CYP2S1: variants seen among roughly 807,000 people sequenced by gnomAD.
CYP2S1 encodes cytochrome P450 2S1.
A neutral mutation model predicts 43.5 loss-of-function variants in CYP2S1; 32 were observed. The observed-to-expected ratio is 0.74, with a 90% CI of 0.56 to 0.99. The LOEUF (loss-of-function observed/expected upper bound fraction) is 0.99, where lower values mean the gene tolerates loss of function less well. Among genes scored for constraint, CYP2S1 ranks in the 50% least tolerant of loss-of-function variants. The probability of loss-of-function intolerance (pLI) is 0.00; values close to 1 mark genes in which losing one functional copy is unlikely to be tolerated. For missense variants in CYP2S1, 575 were observed against 673.9 expected, an observed-to-expected ratio of 0.85 and a Z score of 1.62; for synonymous variants, 283 against 302.9, an observed-to-expected ratio of 0.93 and a Z score of 0.68.
Position 41,207,360 on chromosome 19 carries a change from C to T in CYP2S1, c.*872C>T, listed in dbSNP as rs1020692106. ...CTGCCCCTCCACACACACATACACA[C>T]TCACTGATCTACAGCCCCTGTTCGG... On this transcript the variant is annotated 3_prime_UTR_variant, in exon 9 of 9. Transcript: ENST00000310054. 5.9e-6 allele frequency: 1 copy of T among 170,258 alleles called. No individual in the cohort carries two copies. Among genetic ancestry groups the T allele is most frequent in the African/African-American group, 2.4e-5 (1 of 41,828 alleles). The allele number at this position is 170,258 out of a possible 1,614,324, so 10.5% of individuals were successfully genotyped here.
chr19:41,203,731 C>A lies in CYP2S1; in HGVS notation c.1164+94C>A, dbSNP rs2033524509. Reference sequence around the variant, plus strand: ...AGTGTCTCCCTGACTTTTTCTTGATCTTAGTGTCTCTCTCTCTCTCTCTCT... The same window carrying A: ...AGTGTCTCCCTGACTTTTTCTTGATATTAGTGTCTCTCTCTCTCTCTCTCT... On this transcript the variant is annotated intron_variant, in intron 7 of 8. Transcript: ENST00000310054. The A allele has an allele frequency of 2.4e-6, 3 of 1,270,502 alleles. No homozygotes were observed. The Admixed American group carries it at 9.2e-5, about 39-fold the overall frequency. The allele number at this position is 1,270,502 out of a possible 1,614,324, so 78.7% of individuals were successfully genotyped here. A position where few individuals can be genotyped will look rare whatever the true frequency, so the allele number is the denominator to read the frequency against.
In CYP2S1 at chr19:41,205,975, C is replaced by T. The variant is rs2033570826; in HGVS notation, c.1182C>T (p.Pro394=). ...YTLPQGTEVF[P]LLGSILHDPN... is the part of the protein sequence containing the mutation. ...CCCCTCAGGGCACGGAGGTCTTCCC[C>T]CTCCTTGGCTCCATCCTGCATGACC... is the stretch of plus-strand genomic sequence containing the variant. Residue 394 remains proline, a synonymous_variant, in exon 8 of 9, where the codon CCC becomes CCT. Coordinates refer to ENST00000310054, the MANE Select transcript of CYP2S1 (RefSeq NM_030622.8). 1 of 1,613,846 alleles carries T rather than the reference C, an allele frequency of 6.2e-7. No individual in the cohort carries two copies. Among genetic ancestry groups the T allele is most frequent in the Non-Finnish European group, 8.5e-7 (1 of 1,179,962 alleles).
Position 41,198,378 on chromosome 19 carries a change from C to T in CYP2S1, c.494-84C>T. The stretch of plus-strand genomic sequence containing the variant: ...CATCCATCTTTCCCTGCCTCCCTGT[C>T]TCTCTCTGGTTGGGTTCAGCTCCAA... On this transcript the variant is annotated intron_variant, in intron 3 of 8. Coordinates refer to ENST00000310054, the MANE Select transcript of CYP2S1 (RefSeq NM_030622.8). This position sits in a 1 kb window ranked among gnomAD's most constrained non-coding sequence, Gnocchi z 4.9. The T allele has an allele frequency of 6.5e-7, 1 of 1,545,070 alleles. No individual in the cohort carries two copies. Among genetic ancestry groups the T allele is most frequent in the Non-Finnish European group, 8.8e-7 (1 of 1,139,046 alleles).
At chr19:41,193,552 G>T in intron 1 of CYP2S1, 111 bp downstream of exon 1, 1 of 1,364,632 alleles carries the variant, frequency 7.3e-7, no homozygotes, top group Non-Finnish European at 9.4e-7. Context: ...GCAGGGGCAG[G>T]GGTCCCAAGG....
At chr19:41,204,484 C>T (rs1000807602) in intron 7 of CYP2S1, among the ~76,000 whole-genome samples, 1 of 152,226 alleles carries the variant, frequency 6.6e-6, no homozygotes, top group Non-Finnish European at 1.5e-5. Context: ...CCCCAGAAAC[C>T]CCAGCAGTTT....
chr19:41,206,647 C>T lies in CYP2S1; in HGVS notation c.*159C>T, dbSNP rs1250118711. ...GTCTGTCCCACGGCCCACACGCTCA[C>T]TTGACTCATGCTGCTAAGATGCACA... is the stretch of plus-strand genomic sequence containing the variant. On this transcript the variant is annotated 3_prime_UTR_variant, in exon 9 of 9. Transcript: ENST00000310054. 1 of 922,150 alleles carries T rather than the reference C, an allele frequency of 1.1e-6. No individual in the cohort carries two copies. The highest frequency in any genetic ancestry group is 1.3e-5 in the South Asian group (1 of 76,808). 57.1% of individuals were successfully genotyped at this position (922,150 alleles called of 1,614,324 possible).
rs1277394471 is a variant in CYP2S1, at chr19:41,206,348, CA to C, written c.1377del (p.Ala460ProfsTer13). 6.2e-7 allele frequency: 1 copy of C among 1,614,072 alleles called. No homozygotes were observed. The highest frequency in any genetic ancestry group is 1.3e-5 in the African/African-American group (1 of 74,912). On this transcript the variant is annotated frameshift_variant, in exon 9 of 9. Transcript: ENST00000310054. LOFTEE classifies it low-confidence loss of function (END_TRUNC). The part of the protein sequence containing the change: ...ELFLFFTTIL[Q>X]AFSLESPCPP... ...CTTCCTCTTCTTCACCACCATCCTA[CA>C]AGCCTTCTCCCTGGAGAGCCCGTGC...
rs1421512182 is a variant in CYP2S1, at chr19:41,207,445, CA to C, written c.*959del. On this transcript the variant is annotated 3_prime_UTR_variant, in exon 9 of 9. Transcript: ENST00000310054. Reference sequence around the variant, plus strand: ...TAGAGACCAAGTAGGGGCCAGTTTCCAATTCACCCTGTCAGGGAGTGAGCCG... The same window carrying C: ...TAGAGACCAAGTAGGGGCCAGTTTCCATTCACCCTGTCAGGGAGTGAGCCG... 2.6e-5 allele frequency: 4 copies of C among 154,998 alleles called. No homozygotes were observed. Among genetic ancestry groups the C allele is most frequent in the Non-Finnish European group, 5.7e-5 (4 of 69,670 alleles). 9.6% of individuals were successfully genotyped at this position (154,998 alleles called of 1,614,324 possible). A position where few individuals can be genotyped will look rare whatever the true frequency, so the allele number is the denominator to read the frequency against.
At chr19:41,203,222 T>A (rs909855622) in intron 6 of CYP2S1, among the ~76,000 whole-genome samples, 27 of 140,298 alleles carry the variant, frequency 1.9e-4, no homozygotes, top group Admixed American at 4.9e-4. Flanking sequence ...CAAAAAAAAA[T>A]AATAATAATA....
chr19:41,205,382 C>CTTTCTTTCTTTCTTTCTTTCTT (rs781159687), intron 7 of CYP2S1, among the ~76,000 whole-genome samples: 27 of 72,234 alleles, frequency 3.7e-4, no homozygotes, highest in African/African-American at 1.9e-3. Flanking sequence ...TTCTTTCTTT[C>CTTTCTTTCTTTCTTTCTTTCTT]TCTCTCTCTC....
chr19:41,201,835 G>A (rs142796719), intron 6 of CYP2S1, among the ~76,000 whole-genome samples: 1 of 152,172 alleles, frequency 6.6e-6, no homozygotes, highest in Non-Finnish European at 1.5e-5. Context: ...AGGAGTTGCT[G>A]ATTGCAGTAT....
chr19:41,197,940 G>A lies in CYP2S1; in HGVS notation c.493+12G>A, dbSNP rs1022876220. 5.0e-6 allele frequency: 8 copies of A among 1,605,822 alleles called. No homozygotes were observed. The highest frequency in any genetic ancestry group is 2.7e-5 in the African/African-American group (2 of 74,960). On this transcript the variant is annotated intron_variant, in intron 3 of 8. Coordinates refer to ENST00000310054, the MANE Select transcript of CYP2S1 (RefSeq NM_030622.8). The stretch of plus-strand genomic sequence containing the variant: ...CCAGGGGACAGAAGGTCAGCATGGC[G>A]GGGTCACCCCAGGGTCTCCAGCCGA...
chr19:41,194,141 A>T (rs1204329597), intron 1 of CYP2S1, among the ~76,000 whole-genome samples: 1 of 150,914 alleles, frequency 6.6e-6, no homozygotes, highest in Non-Finnish European at 1.5e-5. Context: ...CTTGGGGGAG[A>T]GATGGGGCGG....
chr19:41,201,082 A>C (rs1055023146), intron 5 of CYP2S1, 149 bp from the exon 6 acceptor site: 37 of 1,050,408 alleles, frequency 3.5e-5, no homozygotes, highest in Admixed American at 5.9e-5. Context: ...GTCTCAAAAA[A>C]AAAAAGTCTA....
In CYP2S1 at chr19:41,206,520, G is replaced by A; in HGVS notation, c.*32G>A. 1 of 1,613,046 alleles carries A rather than the reference G, an allele frequency of 6.2e-7. No individual in the cohort carries two copies. Among genetic ancestry groups the A allele is most frequent in the South Asian group, 1.1e-5 (1 of 91,050 alleles). On this transcript the variant is annotated 3_prime_UTR_variant, in exon 9 of 9. Transcript: ENST00000310054. ...GCAACTTGGAAGTGGTGGGTGCCCA[G>A]GACGGTGCCTCCAGCCTCAACAGTG...
At chr19:41,205,358 CTTTCTTTCTTTCTTTCTT>C (rs879939129) in intron 7 of CYP2S1, among the ~76,000 whole-genome samples, 9,793 of 99,422 alleles carry the variant, frequency 0.098, 379 homozygotes, top group African/African-American at 0.14. Flanking sequence ...TTCTTTCTTT[CTTTCTTTCTTTCTTTCTT>C]TCTTTCTCTC....
chr19:41,202,385 G>C (rs374874366), intron 6 of CYP2S1, among the ~76,000 whole-genome samples: 147 of 152,296 alleles, frequency 9.7e-4, no homozygotes, highest in African/African-American at 3.5e-3. Flanking sequence ...TGCAGGAGTG[G>C]AATTAGCTGT....
At chr19:41,200,517 T>C (rs1023132815) in intron 5 of CYP2S1, among the ~76,000 whole-genome samples, 1 of 151,904 alleles carries the variant, frequency 6.6e-6, no homozygotes, top group Non-Finnish European at 1.5e-5. Flanking sequence ...GGACTACAGG[T>C]GCCCGTCACC....
At chr19:41,195,964 G>T (rs2033408003) in intron 2 of CYP2S1, among the ~76,000 whole-genome samples, 1 of 151,982 alleles carries the variant, frequency 6.6e-6, no homozygotes, top group Non-Finnish European at 1.5e-5. Flanking sequence ...GGCAGATATG[G>T]TGTCCTCTCC....
Sources: gnomAD v4.1 joint callset for allele counts (sites outside exome capture counted in the v4.1 genomes callset) on GRCh38, gnomAD v4.1.1 for gene constraint, Gnocchi (gnomAD v3.1) non-coding constraint, MANE v1.5 for transcripts, NCBI Gene and HGNC (gene_info 2026-07-23, HGNC 2026-07-21) for gene names.